The following CREB5 variants were observed in gnomAD, a reference collection of about 807,000 sequenced individuals.
The protein encoded by CREB5 is cAMP responsive element binding protein 5.
Under a neutral mutation model 57.1 loss-of-function variants are expected in CREB5, and 19 were observed. The ratio of observed to expected loss-of-function variants is 0.33; its 90% CI spans 0.23 to 0.49. The LOEUF is 0.49. CREB5 is among the 20% of genes least tolerant of loss of function. The pLI is 0.99. For synonymous variants in CREB5, 238 were observed against 238.3 expected (o/e 1.00, Z 0.01); for missense variants, 579 against 671.6 (o/e 0.86, Z 1.52).
chr7:28,650,041 T>C (rs1475370461), intron 5 of CREB5, among the ~76,000 whole-genome samples: 2 of 152,208 alleles, frequency 1.3e-5, no homozygotes, highest in African/African-American at 2.4e-5. Context: ...CGTTCTCCAA[T>C]TCCCATTTAC....
intron 8 of CREB5, among the ~76,000 whole-genome samples, chr7:28,807,811 T>A (rs913981678): frequency 1.3e-5 from 2 of 151,924 alleles, no homozygotes; most frequent in African/African-American, 4.8e-5. Context: ...CACCTTTTAT[T>A]GAGAATGAAG....
intron 1 of CREB5, among the ~76,000 whole-genome samples, chr7:28,390,936 G>GAATATAATAT (rs10602736): frequency 6.6e-6 from 1 of 150,638 alleles, no homozygotes; most frequent in African/African-American, 2.4e-5. Flanking sequence ...AAGATGGGTT[G>GAATATAATAT]AATATAATAT....
At chr7:28,672,513 G>A (rs967275731) in intron 5 of CREB5, among the ~76,000 whole-genome samples, 5 of 152,010 alleles carry the variant, frequency 3.3e-5, no homozygotes, top group African/African-American at 4.8e-5. Context: ...ATTTAATAAC[G>A]TACTATAAAA....
At chr7:28,552,300 A>G (rs899202707) in intron 4 of CREB5, among the ~76,000 whole-genome samples, 1 of 152,186 alleles carries the variant, frequency 6.6e-6, no homozygotes, top group Non-Finnish European at 1.5e-5. Context: ...GGCCTCCAAA[A>G]GTGCTGGAAT....
At chr7:28,803,540 C>T (rs1285038963) in intron 7 of CREB5, among the ~76,000 whole-genome samples, 1 of 151,972 alleles carries the variant, frequency 6.6e-6, no homozygotes, top group Non-Finnish European at 1.5e-5. Flanking sequence ...AGATGGATCA[C>T]GAGGTCAGGA....
chr7:28,772,767 C>A (rs1806397529), intron 7 of CREB5, among the ~76,000 whole-genome samples: 1 of 152,180 alleles, frequency 6.6e-6, no homozygotes, highest in South Asian at 2.1e-4. Flanking sequence ...TGTCCAGGCT[C>A]ACTCAGGTTT....
chr7:28,609,844 G>A (rs1797316909), intron 5 of CREB5, among the ~76,000 whole-genome samples: 1 of 152,342 alleles, frequency 6.6e-6, no homozygotes, highest in East Asian at 1.9e-4. Flanking sequence ...TTAGAGAGGT[G>A]GACACATGGG....
intron 1 of CREB5, among the ~76,000 whole-genome samples, chr7:28,428,636 A>C (rs544000899): frequency 2.4e-4 from 37 of 152,280 alleles, no homozygotes; most frequent in Middle Eastern, 3.4e-3. Flanking sequence ...CGGCAGGTAG[A>C]ACAGGGTCAG....
At chr7:28,492,532 A>G (rs2128597115) in intron 2 of CREB5, among the ~76,000 whole-genome samples, 1 of 152,234 alleles carries the variant, frequency 6.6e-6, no homozygotes, top group Middle Eastern at 3.4e-3. Context: ...AAAAAAAATC[A>G]CGATGTCCTT....
intron 5 of CREB5, among the ~76,000 whole-genome samples, chr7:28,585,886 C>T (rs1240787281): frequency 6.6e-6 from 1 of 152,174 alleles, no homozygotes; most frequent in Non-Finnish European, 1.5e-5. Context: ...ATTACTTGAA[C>T]ATTTGAAAAT....
chr7:28,649,434 G>A (rs942820928), intron 5 of CREB5, among the ~76,000 whole-genome samples: 5 of 152,198 alleles, frequency 3.3e-5, no homozygotes, highest in African/African-American at 7.2e-5. Context: ...TTGATGTATT[G>A]TCTATGGCAG....
At position 28,550,304 on chromosome 7, in the gene CREB5, A is replaced by T. The variant is rs571943736; in HGVS notation, c.292-20061A>T. ...TTAGCCCTGAAGAGCTAAACACTAAACACCAAGCCTATTGGTTGAGTGGTT... is the reference window on the plus strand; with the variant it reads ...TTAGCCCTGAAGAGCTAAACACTAATCACCAAGCCTATTGGTTGAGTGGTT... On this transcript the variant is annotated intron_variant, in intron 4 of 10. Coordinates refer to ENST00000357727, the MANE Select transcript of CREB5 (RefSeq NM_182898.4). 2.0e-5 allele frequency among the ~76,000 whole-genome samples: 3 copies of T among 152,238 alleles called. No homozygotes were observed. In the East Asian group the frequency reaches 5.8e-4, roughly 29 times the overall value.
At chr7:28,738,491 T>C (rs1035694608) in intron 7 of CREB5, among the ~76,000 whole-genome samples, 2 of 152,212 alleles carry the variant, frequency 1.3e-5, no homozygotes, top group African/African-American at 4.8e-5. Context: ...TTTTCAAATC[T>C]GATGAATGAG....
intron 1 of CREB5, among the ~76,000 whole-genome samples, chr7:28,357,928 G>A (rs2072417): frequency 0.066 from 10,089 of 152,112 alleles, 377 homozygotes; most frequent in East Asian, 0.15. Context: ...AAGGTGGGTG[G>A]GGGCAGAATT....
chr7:28,352,241 T>G (rs1369941212), intron 1 of CREB5, among the ~76,000 whole-genome samples: 1 of 152,208 alleles, frequency 6.6e-6, no homozygotes, highest in African/African-American at 2.4e-5. Flanking sequence ...CATAATGATC[T>G]GCACTTGCCT....
chr7:28,729,733 A>G (rs1000990737), intron 7 of CREB5, among the ~76,000 whole-genome samples: 5 of 126,450 alleles, frequency 4.0e-5, no homozygotes, highest in Admixed American at 1.5e-4. Flanking sequence ...AAAAGCAATG[A>G]ATGAATAGGC....
chr7:28,654,041 T>C (rs1303197216), intron 5 of CREB5, among the ~76,000 whole-genome samples: 1 of 142,472 alleles, frequency 7.0e-6, no homozygotes, highest in Admixed American at 6.7e-5. Flanking sequence ...CTTTACTGCA[T>C]TTTTTAAAGC....
At chr7:28,633,263 T>C (rs775458098) in intron 5 of CREB5, among the ~76,000 whole-genome samples, 19 of 152,224 alleles carry the variant, frequency 1.2e-4, no homozygotes, top group Non-Finnish European at 5.9e-5. Context: ...GATGCGTTTT[T>C]GTTCCAAAAC....
intron 1 of CREB5, among the ~76,000 whole-genome samples, chr7:28,391,663 T>C (rs1318992738): frequency 6.6e-6 from 1 of 152,218 alleles, no homozygotes; most frequent in Non-Finnish European, 1.5e-5. Context: ...TAATTTGCTT[T>C]CAACCCAATC....
Sources: allele counts gnomAD v4.1 joint callset (sites outside exome capture counted in the v4.1 genomes callset), GRCh38; gene constraint gnomAD v4.1.1; transcripts MANE v1.5; gene names NCBI Gene and HGNC (gene_info 2026-07-23, HGNC 2026-07-21).